The following TLE5 variants were observed in gnomAD, a reference collection of about 807,000 sequenced individuals.
TLE5 encodes the protein TLE family member 5, transcriptional modulator.
In TLE5, 7 loss-of-function variants were observed where a neutral mutation model predicts 25.8. That is an observed-to-expected ratio of 0.27 (90% CI 0.15 to 0.51). The LOEUF is 0.51. Ranked by LOEUF, TLE5 falls within the 20% of genes least tolerant of loss-of-function variation. The probability of loss-of-function intolerance (pLI) is 0.97; values close to 1 mark genes in which losing one functional copy is unlikely to be tolerated. For missense variants in TLE5, 149 were observed against 250.7 expected (o/e 0.59, Z 2.74); for synonymous variants, 132 against 110.5 (o/e 1.20, Z -1.22).
intron 3 of TLE5, chr19:3,056,712 T>G (rs2090222697): frequency 2.4e-6 from 1 of 420,682 alleles, no homozygotes; most frequent in Non-Finnish European, 4.6e-6. Flanking sequence ...TGTCTGCGGG[T>G]GGGCCCAGAC....
intron 2 of TLE5, 57 bp from the exon 3 acceptor site, chr19:3,057,799 C>G: frequency 6.5e-7 from 1 of 1,536,562 alleles, no homozygotes; most frequent in Non-Finnish European, 9.0e-7. Flanking sequence ...GGGAGCCCCC[C>G]ACCCTCCGTT....
At chr19:3,060,328 C>CTTTTTTTTTTTTTTTT (rs990199468) in intron 2 of TLE5, among the ~76,000 whole-genome samples, 1 of 93,216 alleles carries the variant, frequency 1.1e-5, no homozygotes, top group African/African-American at 4.4e-5. Context: ...TTTTTTCTTT[C>CTTTTTTTTTTTTTTTT]TTTTTTTTTT....
At chr19:3,059,719 G>C (rs557449500) in intron 2 of TLE5, among the ~76,000 whole-genome samples, 2 of 152,262 alleles carry the variant, frequency 1.3e-5, no homozygotes, top group Admixed American at 1.3e-4. Context: ...CTCAGAGAGG[G>C]CTTCCGGCTT....
chr19:3,055,033 A>G (rs1252011404), intron 5 of TLE5: 1 of 152,370 alleles, frequency 6.6e-6, no homozygotes, highest in African/African-American at 2.4e-5. Context: ...AACCCAAGAA[A>G]GGAGAAGAGG....
intron 2 of TLE5, among the ~76,000 whole-genome samples, chr19:3,060,656 A>G (rs1370128601): frequency 6.6e-6 from 1 of 152,116 alleles, no homozygotes; most frequent in Admixed American, 6.6e-5. Context: ...TTTAAGTGTA[A>G]GAGGACTAAA....
intron 2 of TLE5, among the ~76,000 whole-genome samples, chr19:3,059,837 G>A (rs941307996): frequency 6.6e-5 from 10 of 152,114 alleles, no homozygotes; most frequent in African/African-American, 1.9e-4. Flanking sequence ...CGAGGAACCC[G>A]CACAAAAGCT....
At chr19:3,057,119 C>T (rs1366121937) in intron 3 of TLE5, among the ~76,000 whole-genome samples, 1 of 152,132 alleles carries the variant, frequency 6.6e-6, no homozygotes, top group Admixed American at 6.5e-5. Context: ...CATCGCTGCT[C>T]GAGGGCCAGG....
chr19:3,056,799 C>A (rs947109421), intron 3 of TLE5: 1 of 249,604 alleles, frequency 4.0e-6, no homozygotes, highest in South Asian at 3.3e-5. Context: ...CAGCAGCTAC[C>A]CCCACCCCAA....
chr19:3,054,086 T>TGGGGGGGGGGGGGGCCCC, intron 6 of TLE5, 34 bp downstream of exon 6: 3 of 1,512,772 alleles, frequency 2.0e-6, no homozygotes, highest in South Asian at 1.2e-5. Flanking sequence ...GGCCCACCTG[T>TGGGGGGGGGGGGGGCCCC]CCCCCGCCCA....
chr19:3,062,213 G>T lies in TLE5; in HGVS notation c.-13C>A. ...GTGGAAACATCATGTCAATCGCGGC[G>T]GGGGGCGCGGGCTGCGCCCCGGCTG... On this transcript the variant is annotated 5_prime_UTR_variant, in exon 1 of 7. Coordinates refer to ENST00000327141, the MANE Select transcript of TLE5 (RefSeq NM_001130.6). 8.9e-7 allele frequency: 1 copy of T among 1,128,644 alleles called. No homozygotes were observed. Among genetic ancestry groups the T allele is most frequent in the South Asian group, 4.3e-5 (1 of 23,460 alleles). The allele number at this position is 1,128,644 out of a possible 1,614,324, so 69.9% of individuals were successfully genotyped here. A position where few individuals can be genotyped will look rare whatever the true frequency, so the allele number is the denominator to read the frequency against.
chr19:3,058,187 G>A (rs1599271915), intron 2 of TLE5, among the ~76,000 whole-genome samples: 1 of 152,044 alleles, frequency 6.6e-6, no homozygotes, highest in Admixed American at 6.6e-5. Context: ...TGGTTGGGGG[G>A]AAATAAGCAA....
intron 2 of TLE5, among the ~76,000 whole-genome samples, chr19:3,059,198 T>A (rs2090244107): frequency 1.3e-5 from 2 of 152,150 alleles, no homozygotes; most frequent in Admixed American, 6.5e-5. Context: ...TGTGCATTTG[T>A]TGCTACCATT....
intron 2 of TLE5, among the ~76,000 whole-genome samples, chr19:3,059,046 C>G (rs936944844): frequency 6.6e-6 from 1 of 152,106 alleles, no homozygotes; most frequent in Non-Finnish European, 1.5e-5. Context: ...TAGAACAGTA[C>G]CTGGCATACA....
At chr19:3,056,746 G>T (rs1321158969) in intron 3 of TLE5, 3 of 343,798 alleles carry the variant, frequency 8.7e-6, no homozygotes, top group African/African-American at 6.6e-5. Flanking sequence ...GCCTGCCTAG[G>T]TATAAACAGT....
chr19:3,056,006 C>A, intron 4 of TLE5: 2 of 515,094 alleles, frequency 3.9e-6, no homozygotes, highest in South Asian at 5.9e-5. Context: ...CCACTCAGGC[C>A]CCTGGCAGGT....
At chr19:3,062,630 C>T, upstream of TLE5, 1 of 1,174,604 alleles carries the variant, frequency 8.5e-7, no homozygotes, top group East Asian at 3.7e-5. Flanking sequence ...CCCCGTGGCC[C>T]GCCCGCCGCG....
At chr19:3,062,109 CCGGGGGT>C (rs1338625645) in intron 1 of TLE5, 58 bp downstream of exon 1, 4 of 738,928 alleles carry the variant, frequency 5.4e-6, no homozygotes, top group East Asian at 1.4e-4. Flanking sequence ...GGGCCGGGAG[CCGGGGGT>C]CGGGGGCGTA....
intron 4 of TLE5, chr19:3,056,004 GC>G: frequency 1.9e-6 from 1 of 519,106 alleles, no homozygotes; most frequent in Non-Finnish European, 3.4e-6. Flanking sequence ...GGCCACTCAG[GC>G]CCCTGGCAGG....
In TLE5 at chr19:3,062,365, G is replaced by A; in HGVS notation, c.-165C>T. The A allele has an allele frequency of 2.3e-6, 2 of 887,886 alleles. No homozygotes were observed. The highest frequency in any genetic ancestry group is 2.7e-6 in the Non-Finnish European group (2 of 749,140). The allele number at this position is 887,886 out of a possible 1,614,324, so 55.0% of individuals were successfully genotyped here. ...CGCCCGCTTCCTGCGCCCCCTCCCCGCGCGCCCGGCCCCGGCGCGCCCCGG... is the reference window on the plus strand; with the variant it reads ...CGCCCGCTTCCTGCGCCCCCTCCCCACGCGCCCGGCCCCGGCGCGCCCCGG... On this transcript the variant is annotated 5_prime_UTR_variant, in exon 1 of 7. Transcript: ENST00000327141.
Sources: allele counts gnomAD v4.1 joint callset (sites outside exome capture counted in the v4.1 genomes callset), GRCh38; gene constraint gnomAD v4.1.1; transcripts MANE v1.5; gene names NCBI Gene and HGNC (gene_info 2026-07-23, HGNC 2026-07-21).